The following STAG1 variants were observed in gnomAD, a reference collection of about 807,000 sequenced individuals.
STAG1 encodes cohesin subunit SA-1.
STAG1 carries 26 observed loss-of-function variants against 170.9 expected under a neutral mutation model. That is an observed-to-expected ratio of 0.15 (90% CI 0.11 to 0.21). The LOEUF (loss-of-function observed/expected upper bound fraction) is 0.21, where lower values mean the gene tolerates loss of function less well. STAG1 is among the 10% of genes least tolerant of loss of function. STAG1 has a pLI of 1.00. For missense variants in STAG1, 964 were observed against 1,509.5 expected, an observed-to-expected ratio of 0.64 and a Z score of 5.99; for synonymous variants, 514 against 497.7, an observed-to-expected ratio of 1.03 and a Z score of -0.44.
chr3:136,584,049 G>A (rs1339089560), intron 4 of STAG1, among the ~76,000 whole-genome samples: 2 of 152,236 alleles, frequency 1.3e-5, no homozygotes, highest in East Asian at 3.9e-4. Context: ...CAATTTTAAA[G>A]CCAATTTATT....
intron 4 of STAG1, among the ~76,000 whole-genome samples, chr3:136,585,620 A>AATAATAAT (rs1559892979): frequency 4.3e-4 from 64 of 150,432 alleles, no homozygotes; most frequent in African/African-American, 3.2e-4. Flanking sequence ...ATAATAATAA[A>AATAATAAT]AAAATAAAAT....
At chr3:136,689,643 T>C (rs1559952897) in intron 1 of STAG1, among the ~76,000 whole-genome samples, 1 of 152,230 alleles carries the variant, frequency 6.6e-6, no homozygotes, top group Admixed American at 6.5e-5. Context: ...TCTTAAATTA[T>C]CTTCTGAAAT....
chr3:136,548,703 T>C (rs1435712834), intron 5 of STAG1, among the ~76,000 whole-genome samples: 2 of 152,184 alleles, frequency 1.3e-5, no homozygotes, highest in African/African-American at 4.8e-5. Flanking sequence ...CTTTCATCAA[T>C]GTTTTGTTGT....
chr3:136,499,738 T>G (rs1254299852), intron 9 of STAG1: 2 of 152,242 alleles, frequency 1.3e-5, no homozygotes, highest in East Asian at 3.8e-4. Flanking sequence ...TGTGTTTATC[T>G]GAAAGGAAAC....
intron 5 of STAG1, among the ~76,000 whole-genome samples, chr3:136,545,873 GA>G (rs1037577992): frequency 2.0e-5 from 3 of 151,860 alleles, no homozygotes; most frequent in Non-Finnish European, 2.9e-5. Context: ...TGTGGGGGAG[GA>G]AAAAAAACTA....
intron 3 of STAG1, among the ~76,000 whole-genome samples, chr3:136,620,350 A>T (rs1939788781): frequency 6.6e-6 from 1 of 152,204 alleles, no homozygotes; most frequent in South Asian, 2.1e-4. Flanking sequence ...TTTCTTCATA[A>T]TAGGTACCTG....
chr3:136,410,091 G>C (rs1486750359), intron 21 of STAG1, among the ~76,000 whole-genome samples: 1 of 112,792 alleles, frequency 8.9e-6, no homozygotes, highest in Non-Finnish European at 1.9e-5. Context: ...AAAAAAAAAA[G>C]ATAAATACAA....
At chr3:136,600,947 G>A (rs1938647629) in intron 4 of STAG1, among the ~76,000 whole-genome samples, 1 of 152,080 alleles carries the variant, frequency 6.6e-6, no homozygotes, top group Non-Finnish European at 1.5e-5. Context: ...CTGGAGTGCA[G>A]TGGCGCAATC....
intron 5 of STAG1, among the ~76,000 whole-genome samples, chr3:136,546,740 T>C (rs1272921711): frequency 2.0e-5 from 3 of 152,190 alleles, no homozygotes; most frequent in Non-Finnish European, 2.9e-5. Context: ...TACAAATCCA[T>C]AAATTATAGA....
At chr3:136,593,196 A>C (rs1452355949) in intron 4 of STAG1, among the ~76,000 whole-genome samples, 1 of 152,170 alleles carries the variant, frequency 6.6e-6, no homozygotes, top group Non-Finnish European at 1.5e-5. Context: ...GAAATAAGGG[A>C]TATAAACTGG....
rs71157389 is a variant in STAG1 at position 136,498,249 on chromosome 3, T to TACACAC, written c.902+1968_902+1973dup. Among the ~76,000 whole-genome samples the TACACAC allele has an allele frequency of 2.7e-5, 2 of 73,678 alleles. 1 individual carries two copies. The highest frequency in any genetic ancestry group is 1.4e-4 in the African/African-American group (2 of 14,636). 48.3% of individuals were successfully genotyped at this position (73,678 alleles called of 152,430 possible). A position where few individuals can be genotyped will look rare whatever the true frequency, so the allele number is the denominator to read the frequency against. ...ATATATATATACACATACATATACA[T>TACACAC]ACACACACACACACACACACACACC... On this transcript the variant is annotated intron_variant, in intron 9 of 33. Transcript: ENST00000383202.
intron 6 of STAG1, among the ~76,000 whole-genome samples, chr3:136,538,006 AAATT>A (rs1935721888): frequency 6.6e-6 from 1 of 152,192 alleles, no homozygotes; most frequent in Non-Finnish European, 1.5e-5. Flanking sequence ...TGAAAACTTT[AAATT>A]ATTATTAAGA....
Position 136,422,960 on chromosome 3 carries a change from G to A in STAG1, c.1735C>T (p.Leu579=), listed in dbSNP as rs112213618. The A allele has an allele frequency of 3.6e-5, 57 of 1,601,548 alleles. 1 individual carries two copies. Among genetic ancestry groups the A allele is most frequent in the African/African-American group, 3.2e-4 (24 of 74,728 alleles). ...EHFIITLPML[L]SKYSADAEKV... ...TGTAAATGAAACTGTACCTTTGACA[G>A]TAACATAGGAAGTGTAATAATAAAA... is the stretch of plus-strand genomic sequence containing the variant. Residue 579 remains leucine, a synonymous_variant, in exon 17 of 34, where the codon CTG becomes TTG. Coordinates refer to ENST00000383202, the MANE Select transcript of STAG1 (RefSeq NM_005862.3).
At chr3:136,450,209 C>A (rs1478251237) in intron 14 of STAG1, among the ~76,000 whole-genome samples, 14 of 152,122 alleles carry the variant, frequency 9.2e-5, no homozygotes, top group Admixed American at 9.2e-4. Context: ...GAAAATAATG[C>A]TTCAAATCAT....
At chr3:136,518,916 G>C (rs1184244966) in intron 7 of STAG1, among the ~76,000 whole-genome samples, 1 of 151,936 alleles carries the variant, frequency 6.6e-6, no homozygotes, top group Non-Finnish European at 1.5e-5. Context: ...AGGCAATGGG[G>C]GGAGGCAGGA....
chr3:136,469,829 C>T (rs899402286), intron 12 of STAG1, among the ~76,000 whole-genome samples: 1 of 151,960 alleles, frequency 6.6e-6, no homozygotes, highest in Non-Finnish European at 1.5e-5. Flanking sequence ...CAAATAATAT[C>T]ACACATCTAC....
At chr3:136,730,156 G>A (rs1441079374) in intron 1 of STAG1, among the ~76,000 whole-genome samples, 1 of 151,914 alleles carries the variant, frequency 6.6e-6, no homozygotes, top group African/African-American at 2.4e-5. Flanking sequence ...AGCCTCTCAA[G>A]TAGCTGGGAC....
chr3:136,751,156 T>C (rs1935205940), intron 1 of STAG1, among the ~76,000 whole-genome samples: 1 of 151,858 alleles, frequency 6.6e-6, no homozygotes, highest in Admixed American at 6.6e-5. Context: ...AATAATTTTT[T>C]TTTATGACAA....
At chr3:136,443,136 T>C (rs569182994) in intron 15 of STAG1, 151 bp downstream of exon 15, 1 of 501,914 alleles carries the variant, frequency 2.0e-6, no homozygotes, top group African/African-American at 1.9e-5. Flanking sequence ...GATTGACACA[T>C]CCTTACTTGT....
Sources: allele counts gnomAD v4.1 joint callset (sites outside exome capture counted in the v4.1 genomes callset), GRCh38; gene constraint gnomAD v4.1.1; transcripts MANE v1.5; gene names NCBI Gene and HGNC (gene_info 2026-07-23, HGNC 2026-07-21).